CSMD1: variants seen among roughly 807,000 people sequenced by gnomAD.
The protein encoded by CSMD1 is CUB and Sushi multiple domains 1.
Under a neutral mutation model 417.5 loss-of-function variants are expected in CSMD1, and 213 were observed. The ratio of observed to expected loss-of-function variants is 0.51; its 90% CI spans 0.46 to 0.57. The LOEUF (loss-of-function observed/expected upper bound fraction) is 0.57, where lower values mean the gene tolerates loss of function less well. Among genes scored for constraint, CSMD1 ranks in the 20% least tolerant of loss-of-function variants. The pLI, the probability that CSMD1 is intolerant of heterozygous loss-of-function variation, is 0.00. For synonymous variants in CSMD1, 2,862 were observed against 1,736.8 expected (o/e 1.65, Z -16.11); for missense variants, 6,923 against 4,529.7 (o/e 1.53, Z -15.17).
chr8:4,275,464 G>A (rs138326605), intron 3 of CSMD1, among the ~76,000 whole-genome samples: 78 of 152,186 alleles, frequency 5.1e-4, no homozygotes, highest in African/African-American at 1.6e-3. Context: ...AAAATTTTAC[G>A]TGTAGATCAC....
chr8:4,523,825 A>G (rs909529281), intron 2 of CSMD1, among the ~76,000 whole-genome samples: 9 of 152,132 alleles, frequency 5.9e-5, no homozygotes, highest in African/African-American at 1.9e-4. Context: ...AACCATGTCA[A>G]CCATACTGTT....
intron 3 of CSMD1, among the ~76,000 whole-genome samples, chr8:4,157,618 A>G (rs181103659): frequency 1.3e-5 from 2 of 152,290 alleles, no homozygotes; most frequent in African/African-American, 4.8e-5. Flanking sequence ...TCTTTCACGC[A>G]GAGTTGATTT....
intron 6 of CSMD1, among the ~76,000 whole-genome samples, chr8:3,731,659 G>A (rs1796268471): frequency 6.6e-6 from 1 of 152,162 alleles, no homozygotes; most frequent in South Asian, 2.1e-4. Flanking sequence ...ATTATGCTCG[G>A]TACTGGGAGG....
intron 8 of CSMD1, among the ~76,000 whole-genome samples, chr8:3,609,846 T>C (rs1801803804): frequency 9.4e-6 from 1 of 106,424 alleles, no homozygotes; most frequent in African/African-American, 3.6e-5. Context: ...TGAGACAGAG[T>C]CTTGCTCTGT....
chr8:4,278,463 T>C (rs1009926991), intron 3 of CSMD1, among the ~76,000 whole-genome samples: 1 of 152,224 alleles, frequency 6.6e-6, no homozygotes, highest in Non-Finnish European at 1.5e-5. Context: ...AATATAATTT[T>C]TTAACATGAA....
intron 21 of CSMD1, among the ~76,000 whole-genome samples, chr8:3,356,709 G>A (rs888476819): frequency 6.6e-6 from 1 of 152,024 alleles, no homozygotes; most frequent in Non-Finnish European, 1.5e-5. Flanking sequence ...AAACGTAATG[G>A]CAAAAACCGC....
At chr8:4,321,035 T>C (rs367556023) in intron 3 of CSMD1, among the ~76,000 whole-genome samples, 43 of 152,304 alleles carry the variant, frequency 2.8e-4, no homozygotes, top group South Asian at 8.3e-4. Flanking sequence ...CATTCATATT[T>C]TCACATTTTG....
chr8:3,361,637 G>A (rs1809180388), intron 20 of CSMD1, among the ~76,000 whole-genome samples: 1 of 99,498 alleles, frequency 1.0e-5, no homozygotes. Flanking sequence ...GGGCAACAGA[G>A]CAAGATTCCA....
intron 3 of CSMD1, among the ~76,000 whole-genome samples, chr8:4,416,476 A>C (rs1358621801): frequency 4.6e-5 from 7 of 152,140 alleles, no homozygotes; most frequent in Non-Finnish European, 1.0e-4. Context: ...CGTGCATTAA[A>C]ATTGATATTT....
chr8:3,597,449 G>A (rs573847455), intron 8 of CSMD1, among the ~76,000 whole-genome samples: 2 of 141,818 alleles, frequency 1.4e-5, no homozygotes, highest in African/African-American at 2.7e-5. Flanking sequence ...CCAAGACCTA[G>A]AGAAGTTATT....
At chr8:4,322,273 A>C (rs145414538) in intron 3 of CSMD1, among the ~76,000 whole-genome samples, 3 of 152,326 alleles carry the variant, frequency 2.0e-5, no homozygotes, top group African/African-American at 7.2e-5. Flanking sequence ...TTTAAACATA[A>C]GTGAGACCTG....
At chr8:4,037,430 T>G (rs993283208) in intron 3 of CSMD1, among the ~76,000 whole-genome samples, 1 of 152,176 alleles carries the variant, frequency 6.6e-6, no homozygotes, top group Non-Finnish European at 1.5e-5. Flanking sequence ...GGATGTCTAT[T>G]TCTGGGGCAT....
chr8:3,096,371 C>T (rs532848040), intron 47 of CSMD1, among the ~76,000 whole-genome samples: 2 of 148,684 alleles, frequency 1.3e-5, no homozygotes, highest in East Asian at 3.9e-4. Flanking sequence ...CTTTCCCATG[C>T]TGTTCTCCTG....
At chr8:4,221,207 T>C (rs1039374112) in intron 3 of CSMD1, among the ~76,000 whole-genome samples, 3 of 152,138 alleles carry the variant, frequency 2.0e-5, no homozygotes, top group South Asian at 4.1e-4. Context: ...CTCTGCCCCA[T>C]AAATATTTCA....
intron 3 of CSMD1, among the ~76,000 whole-genome samples, chr8:4,060,380 G>A (rs996802572): frequency 6.6e-6 from 1 of 152,280 alleles, no homozygotes; most frequent in Admixed American, 6.5e-5. Context: ...TTGCAAACTG[G>A]CACAAGACAG....
At chr8:4,552,318 A>C (rs912758737) in intron 2 of CSMD1, among the ~76,000 whole-genome samples, 1 of 150,882 alleles carries the variant, frequency 6.6e-6, no homozygotes, top group Non-Finnish European at 1.5e-5. Flanking sequence ...ATATCCCTAC[A>C]CTCAAATCTC....
chr8:4,841,051 C>T (rs1196126223), intron 1 of CSMD1, among the ~76,000 whole-genome samples: 3 of 152,232 alleles, frequency 2.0e-5, no homozygotes, highest in African/African-American at 4.8e-5. Context: ...CAACGTTCTT[C>T]CTGTATTCTT....
intron 1 of CSMD1, among the ~76,000 whole-genome samples, chr8:4,708,545 A>G (rs1808092849): frequency 6.6e-6 from 1 of 152,222 alleles, no homozygotes. Flanking sequence ...AAATTAAAGG[A>G]AGGTGATTGC....
intron 1 of CSMD1, among the ~76,000 whole-genome samples, chr8:4,855,030 G>T (rs1391849008): frequency 6.6e-6 from 1 of 152,152 alleles, no homozygotes. Flanking sequence ...CAGGTTTGAA[G>T]AGAGCAGTGG....
Sources: allele counts gnomAD v4.1 joint callset (sites outside exome capture counted in the v4.1 genomes callset), GRCh38; gene constraint gnomAD v4.1.1; transcripts MANE v1.5; gene names NCBI Gene and HGNC (gene_info 2026-07-23, HGNC 2026-07-21).